The following TENM2 variants were observed in gnomAD, a reference collection of about 807,000 sequenced individuals.
The protein encoded by TENM2 is teneurin-2.
TENM2 carries 52 observed loss-of-function variants against 245.2 expected under a neutral mutation model. The ratio of observed to expected loss-of-function variants is 0.21; its 90% CI spans 0.17 to 0.27. The LOEUF (loss-of-function observed/expected upper bound fraction) is 0.27. TENM2 is among the 10% of genes least tolerant of loss of function. TENM2 has a pLI of 1.00. For missense variants in TENM2, 3,046 were observed against 3,666.8 expected, an observed-to-expected ratio of 0.83 and a Z score of 4.37; for synonymous variants, 1,363 against 1,438.9, an observed-to-expected ratio of 0.95 and a Z score of 1.19.
chr5:167,277,816 G>T, the TENM2 span, among the ~76,000 whole-genome samples: 1 of 151,830 alleles, frequency 6.6e-6, no homozygotes, highest in Non-Finnish European at 1.5e-5. Flanking sequence ...ATTTAGAATT[G>T]CCATGTCCAT....
At chr5:166,988,780 G>A in the TENM2 span, among the ~76,000 whole-genome samples, 2 of 152,088 alleles carry the variant, frequency 1.3e-5, no homozygotes, top group Non-Finnish European at 1.5e-5. Context: ...TCACCCACAC[G>A]GCTGCCCTAG....
the TENM2 span, among the ~76,000 whole-genome samples, chr5:167,167,701 T>C: frequency 6.6e-6 from 1 of 152,188 alleles, no homozygotes; most frequent in Admixed American, 6.5e-5. Context: ...TGTGACTGTT[T>C]CACTCTTTTG....
intron 13 of TENM2, 27 bp downstream of exon 15, chr5:168,162,784 C>G (rs773987338): frequency 1.2e-6 from 2 of 1,610,498 alleles, no homozygotes; most frequent in Admixed American, 1.7e-5. Context: ...TCATTCCCAG[C>G]CCCTAAGAGC....
At chr5:167,214,756 C>T in the TENM2 span, among the ~76,000 whole-genome samples, 3,634 of 152,124 alleles carry the variant, frequency 0.024, 131 homozygotes, top group African/African-American at 0.083. Flanking sequence ...CTAAGGGACC[C>T]GATGAATGAA....
At chr5:168,124,745 C>T (rs1165474936) in intron 10 of TENM2, 105 bp from the exon 13 acceptor site, 1 of 1,060,688 alleles carries the variant, frequency 9.4e-7, no homozygotes, top group East Asian at 2.6e-5. Flanking sequence ...TGGATGGGAA[C>T]TGGTGACCCA....
At chr5:167,431,962 T>TATATACATATATAC (rs1561950452) in intron 2 of TENM2, among the ~76,000 whole-genome samples, 1 of 124,120 alleles carries the variant, frequency 8.1e-6, no homozygotes, top group Non-Finnish European at 1.6e-5. Flanking sequence ...TATATATATG[T>TATATACATATATAC]ATATATATAT....
At chr5:167,212,108 G>T in the TENM2 span, among the ~76,000 whole-genome samples, 1 of 152,278 alleles carries the variant, frequency 6.6e-6, no homozygotes, top group African/African-American at 2.4e-5. Context: ...CGGTAGAGAA[G>T]ATTGCTTTTA....
intron 7 of TENM2, among the ~76,000 whole-genome samples, chr5:168,086,323 A>C (rs1792454822): frequency 6.6e-6 from 1 of 152,112 alleles, no homozygotes; most frequent in South Asian, 2.1e-4. Flanking sequence ...GAGATTTATA[A>C]TTGGATCAGT....
chr5:167,542,606 G>A (rs1313889202), intron 2 of TENM2, among the ~76,000 whole-genome samples: 3 of 152,138 alleles, frequency 2.0e-5, no homozygotes, highest in South Asian at 2.1e-4. Context: ...ATGAAAAACA[G>A]TCAGTTGCAT....
intron 2 of TENM2, among the ~76,000 whole-genome samples, chr5:167,606,127 C>T (rs1777023264): frequency 6.6e-6 from 1 of 152,134 alleles, no homozygotes; most frequent in African/African-American, 2.4e-5. Context: ...TCCACGCTGC[C>T]CTGGACCTTG....
intron 2 of TENM2, among the ~76,000 whole-genome samples, chr5:167,740,997 C>T (rs1761141253): frequency 6.6e-6 from 1 of 151,848 alleles, no homozygotes; most frequent in Non-Finnish European, 1.5e-5. Context: ...AGCTCATTCC[C>T]ATCTGAGAAC....
intron 2 of TENM2, among the ~76,000 whole-genome samples, chr5:167,557,820 G>A (rs1297127210): frequency 6.6e-6 from 1 of 152,076 alleles, no homozygotes; most frequent in Non-Finnish European, 1.5e-5. Context: ...CCACAAGAGA[G>A]AATTATCTGG....
At chr5:167,461,676 G>C (rs1226424620) in intron 2 of TENM2, among the ~76,000 whole-genome samples, 2 of 152,070 alleles carry the variant, frequency 1.3e-5, no homozygotes, top group Non-Finnish European at 2.9e-5. Flanking sequence ...TCTTAATTCT[G>C]TCCTAAGCAC....
At chr5:167,581,453 A>G (rs944232651) in intron 2 of TENM2, among the ~76,000 whole-genome samples, 1 of 152,244 alleles carries the variant, frequency 6.6e-6, no homozygotes, top group Non-Finnish European at 1.5e-5. Context: ...ATTTTAAATG[A>G]GAATTTAAGC....
intron 1 of TENM2, among the ~76,000 whole-genome samples, chr5:167,355,156 G>A (rs1443888157): frequency 2.6e-5 from 4 of 152,204 alleles, no homozygotes; most frequent in African/African-American, 9.6e-5. Flanking sequence ...GTCTATTTGT[G>A]GAGCCAAATT....
rs545043403 is a variant in TENM2, at chr5:167,836,769, G to T, written c.503-39217G>T. Among the ~76,000 whole-genome samples the T allele has an allele frequency of 5.3e-5, 8 of 149,560 alleles. No homozygotes were observed. In the South Asian group the frequency reaches 1.8e-3, roughly 33 times the overall value. The stretch of plus-strand genomic sequence containing the variant: ...AAGATACATATTTATCTCAATATAT[G>T]TGTGTATATACCCAACTCAGAAAAA... On this transcript the variant is annotated intron_variant, in intron 2 of 28. Transcript: ENST00000518659.
chr5:167,618,179 T>C (rs1176692308), intron 2 of TENM2, among the ~76,000 whole-genome samples: 2 of 152,174 alleles, frequency 1.3e-5, no homozygotes, highest in Non-Finnish European at 2.9e-5. Context: ...TTCTAAGCAC[T>C]TTGCAGGTAT....
At position 167,827,630 on chromosome 5, in the gene TENM2, G is replaced by GGGGC. The variant is rs1554126471; in HGVS notation, c.503-48353_503-48352insCGGG. ...ATTATGGCAAGGAGCTAGGTGGGCG[G>GGGGC]GGGGGGGGGAACAGTTTAATGAGCG... On this transcript the variant is annotated intron_variant, in intron 2 of 28. Coordinates refer to ENST00000518659, the Ensembl canonical transcript of TENM2. Among the ~76,000 whole-genome samples the GGGGC allele has an allele frequency of 6.1e-5, 8 of 130,716 alleles. 1 individual carries two copies. Among genetic ancestry groups the GGGGC allele is most frequent in the African/African-American group, 2.0e-4 (7 of 35,696 alleles). 85.8% of individuals were successfully genotyped at this position (130,716 alleles called of 152,430 possible).
the TENM2 span, among the ~76,000 whole-genome samples, chr5:167,207,055 GA>G: frequency 6.6e-6 from 1 of 152,126 alleles, no homozygotes; most frequent in East Asian, 1.9e-4. Context: ...AAAACCCAAG[GA>G]AATGGTTTTT....
Sources: allele counts gnomAD v4.1 joint callset (sites outside exome capture counted in the v4.1 genomes callset), GRCh38; gene constraint gnomAD v4.1.1; transcripts MANE v1.5; gene names NCBI Gene and HGNC (gene_info 2026-07-23, HGNC 2026-07-21).